COMMD10: variants seen among roughly 807,000 people sequenced by gnomAD.
COMMD10 encodes the protein COMM domain-containing protein 10.
A neutral mutation model predicts 28.9 loss-of-function variants in COMMD10; 33 were observed. The observed-to-expected ratio is 1.14, with a 90% CI of 0.87 to 1.53. COMMD10 has a LOEUF of 1.53. COMMD10 is among the 40% of genes most tolerant of loss of function. COMMD10 has a pLI of 0.00. For synonymous variants in COMMD10, 110 were observed against 81.7 expected (o/e 1.35, Z -1.87); for missense variants, 310 against 233.4 (o/e 1.33, Z -2.14).
At chr5:116,279,983 A>G (rs764081396) in intron 5 of COMMD10, among the ~76,000 whole-genome samples, 1 of 151,906 alleles carries the variant, frequency 6.6e-6, no homozygotes, top group Non-Finnish European at 1.5e-5. Context: ...TCTATGTATT[A>G]TCTTGATATA....
intron 5 of COMMD10, among the ~76,000 whole-genome samples, chr5:116,203,600 A>G (rs1214024407): frequency 2.0e-5 from 3 of 152,150 alleles, no homozygotes; most frequent in Non-Finnish European, 4.4e-5. Flanking sequence ...ATTCTTAAAG[A>G]AAAGAATTTT....
intron 5 of COMMD10, among the ~76,000 whole-genome samples, chr5:116,289,932 T>C (rs1156311102): frequency 6.6e-6 from 1 of 151,934 alleles, no homozygotes; most frequent in Admixed American, 6.6e-5. Context: ...GCTATTGTTC[T>C]TTTAAGAAGT....
intron 4 of COMMD10, among the ~76,000 whole-genome samples, chr5:116,132,342 T>G (rs773511860): frequency 3.3e-5 from 5 of 152,138 alleles, no homozygotes; most frequent in Non-Finnish European, 5.9e-5. Context: ...TATGAGGAAA[T>G]TGAGATCTTG....
chr5:116,168,245 A>G (rs1288090584), intron 5 of COMMD10, among the ~76,000 whole-genome samples: 1 of 152,212 alleles, frequency 6.6e-6, no homozygotes, highest in African/African-American at 2.4e-5. Context: ...AAAGAAGGGC[A>G]TTACATAATG....
At chr5:116,150,597 G>A (rs1482406450) in intron 5 of COMMD10, among the ~76,000 whole-genome samples, 1 of 136,710 alleles carries the variant, frequency 7.3e-6, no homozygotes, top group Non-Finnish European at 1.5e-5. Context: ...GCATTCCTAG[G>A]TATTTTATTC....
chr5:116,168,033 A>G (rs1052453508), intron 5 of COMMD10, among the ~76,000 whole-genome samples: 4 of 151,940 alleles, frequency 2.6e-5, no homozygotes, highest in East Asian at 1.9e-4. Flanking sequence ...AAAGACACAC[A>G]CTGGTAAATT....
chr5:116,144,511 A>G (rs1752285177), intron 5 of COMMD10, among the ~76,000 whole-genome samples: 1 of 151,900 alleles, frequency 6.6e-6, no homozygotes, highest in African/African-American at 2.4e-5. Flanking sequence ...GTCTGACTCC[A>G]TAGTCTGAGC....
intron 5 of COMMD10, among the ~76,000 whole-genome samples, chr5:116,207,629 G>A (rs1007378750): frequency 7.9e-5 from 12 of 151,982 alleles, no homozygotes; most frequent in African/African-American, 1.5e-4. Flanking sequence ...GGGTTCAAGC[G>A]ATTCTTATGC....
intron 5 of COMMD10, among the ~76,000 whole-genome samples, chr5:116,269,169 CGTTTAT>C (rs1580599930): frequency 6.6e-6 from 1 of 151,892 alleles, no homozygotes; most frequent in East Asian, 1.9e-4. Flanking sequence ...ATTTTTCCCA[CGTTTAT>C]GTTTATTAAC....
intron 5 of COMMD10, among the ~76,000 whole-genome samples, chr5:116,237,852 A>G (rs2112660411): frequency 6.6e-6 from 1 of 152,308 alleles, no homozygotes; most frequent in East Asian, 1.9e-4. Flanking sequence ...ATCAACTCCT[A>G]CTGAGAATTA....
intron 5 of COMMD10, among the ~76,000 whole-genome samples, chr5:116,227,842 A>G (rs189332817): frequency 7.9e-5 from 12 of 152,124 alleles, no homozygotes; most frequent in Non-Finnish European, 1.3e-4. Context: ...CAGGGACATC[A>G]GTGTGTATGT....
chr5:116,242,182 A>C (rs956751373), intron 5 of COMMD10, among the ~76,000 whole-genome samples: 1 of 152,226 alleles, frequency 6.6e-6, no homozygotes, highest in Non-Finnish European at 1.5e-5. Context: ...GACCGTATCT[A>C]ATAACAGACA....
intron 5 of COMMD10, among the ~76,000 whole-genome samples, chr5:116,283,760 C>T (rs995553606): frequency 6.6e-5 from 10 of 151,640 alleles, no homozygotes; most frequent in African/African-American, 2.4e-4. Context: ...GTTAAACAAC[C>T]AATAAAAAAT....
chr5:116,102,145 C>G (rs1580445431), intron 4 of COMMD10, among the ~76,000 whole-genome samples: 1 of 152,104 alleles, frequency 6.6e-6, no homozygotes, highest in Non-Finnish European at 1.5e-5. Context: ...AGAACAAGGT[C>G]CAAAAGAGTT....
chr5:116,214,227 G>A (rs1043597696), intron 5 of COMMD10, among the ~76,000 whole-genome samples: 24 of 152,044 alleles, frequency 1.6e-4, no homozygotes, highest in Non-Finnish European at 3.2e-4. Context: ...ATGAACAAGG[G>A]AAGAAATAGA....
At chr5:116,159,499 G>C (rs78158186) in intron 5 of COMMD10, among the ~76,000 whole-genome samples, 4,388 of 152,178 alleles carry the variant, frequency 0.029, 107 homozygotes, top group East Asian at 0.14. Context: ...CTTTATCCAA[G>C]TTCTGAGCTA....
intron 5 of COMMD10, among the ~76,000 whole-genome samples, chr5:116,290,901 A>G (rs1475739131): frequency 3.9e-5 from 6 of 152,186 alleles, no homozygotes; most frequent in Admixed American, 3.9e-4. Flanking sequence ...TACATATACA[A>G]TATTACCTAG....
At chr5:116,231,977 C>A (rs1749540995) in intron 5 of COMMD10, among the ~76,000 whole-genome samples, 1 of 152,118 alleles carries the variant, frequency 6.6e-6, no homozygotes. Context: ...TCACCCCCTC[C>A]ATGGCAAAGG....
chr5:116,109,268 G>T (rs1476845649), intron 4 of COMMD10, among the ~76,000 whole-genome samples: 1 of 152,152 alleles, frequency 6.6e-6, no homozygotes, highest in Non-Finnish European at 1.5e-5. Context: ...TGAAGATTGT[G>T]CATCTTGGTT....
Sources: allele counts gnomAD v4.1 joint callset (sites outside exome capture counted in the v4.1 genomes callset), GRCh38; gene constraint gnomAD v4.1.1; transcripts MANE v1.5; gene names NCBI Gene and HGNC (gene_info 2026-07-23, HGNC 2026-07-21).